Variants in LOXL4 observed in about 807,000 individuals in gnomAD.
LOXL4 encodes lysyl oxidase homolog 4.
LOXL4 carries 72 observed loss-of-function variants against 89.1 expected under a neutral mutation model. That is an observed-to-expected ratio of 0.81 (90% CI 0.67 to 0.98). LOXL4 has a LOEUF of 0.98. LOXL4 is among the 50% of genes least tolerant of loss of function. The probability of loss-of-function intolerance (pLI) is 0.00; values close to 1 mark genes in which losing one functional copy is unlikely to be tolerated. For synonymous variants in LOXL4, 355 were observed against 392.1 expected, an observed-to-expected ratio of 0.91 and a Z score of 1.12; for missense variants, 984 against 1,017.5, an observed-to-expected ratio of 0.97 and a Z score of 0.45.
At chr10:98,255,998 T>A in intron 9 of LOXL4, 1 of 400,498 alleles carries the variant, frequency 2.5e-6, no homozygotes, top group Non-Finnish European at 4.5e-6. Flanking sequence ...CACCCCTCTC[T>A]CTTCCAGATG....
chr10:98,261,024 C>T lies in LOXL4; in HGVS notation c.560G>A (p.Trp187Ter), dbSNP rs757726146. ...CCAGCCCTGGTCACACACCTGCCGC[C>T]AGTGGCCCTCATACTTCACCTCCAC... ...GAVEVKYEGH[W>*]RQVCDQGWTM... The change falls in exon 4 of 15, where the codon TGG (tryptophan) becomes TAG (stop). Residue 187 changes from tryptophan to a stop codon, truncating the protein, a stop_gained. Coordinates refer to ENST00000260702, the MANE Select transcript of LOXL4 (RefSeq NM_032211.7). LOFTEE classifies it high-confidence loss of function. The T allele has an allele frequency of 1.2e-6, 2 of 1,614,100 alleles. No homozygotes were observed. Among genetic ancestry groups the T allele is most frequent in the East Asian group, 4.5e-5 (2 of 44,884 alleles).
chr10:98,255,945 G>A, intron 9 of LOXL4: 1 of 527,968 alleles, frequency 1.9e-6, no homozygotes, highest in South Asian at 3.5e-5. Context: ...CACCACATAT[G>A]GAGGTAAAAA....
chr10:98,249,977 G>A (rs1858142253), intron 14 of LOXL4, among the ~76,000 whole-genome samples: 1 of 152,150 alleles, frequency 6.6e-6, no homozygotes, highest in Admixed American at 6.5e-5. Context: ...TTTGTCAATA[G>A]TTCCCAGAAG....
intron 14 of LOXL4, among the ~76,000 whole-genome samples, chr10:98,249,903 C>T (rs975298999): frequency 2.6e-5 from 4 of 152,190 alleles, no homozygotes; most frequent in African/African-American, 9.6e-5. Context: ...TTCTCATTTT[C>T]GTCCATCTGT....
intron 10 of LOXL4, among the ~76,000 whole-genome samples, chr10:98,254,867 G>C (rs1317618884): frequency 1.3e-5 from 2 of 152,228 alleles, no homozygotes; most frequent in African/African-American, 4.8e-5. Flanking sequence ...CCTGGACAGA[G>C]AGGAAGCCAG....
At position 98,263,035 on chromosome 10, in the gene LOXL4, A is replaced by G. The variant is rs1307548997; in HGVS notation, c.-16T>C. 1 of 1,609,716 alleles carries G rather than the reference A, an allele frequency of 6.2e-7. No individual in the cohort carries two copies. The highest frequency in any genetic ancestry group is 8.5e-7 in the Non-Finnish European group (1 of 1,176,968). ...ACCACGCCATGGTGACTTCAAGGAC[A>G]GCTGAGGCCAAGATACCTGAGGAAT... is the stretch of plus-strand genomic sequence containing the variant. On this transcript the variant is annotated 5_prime_UTR_variant, in exon 2 of 15. Transcript: ENST00000260702.
At chr10:98,265,356 T>C (rs1419791371) in intron 1 of LOXL4, among the ~76,000 whole-genome samples, 3 of 150,394 alleles carry the variant, frequency 2.0e-5, no homozygotes, top group Non-Finnish European at 4.4e-5. Flanking sequence ...AGAGCAAGCC[T>C]TCAGTAACAA....
intron 10 of LOXL4, among the ~76,000 whole-genome samples, chr10:98,254,031 A>C (rs1378394802): frequency 6.6e-6 from 1 of 152,232 alleles, no homozygotes; most frequent in African/African-American, 2.4e-5. Flanking sequence ...TTTTGGAGCC[A>C]GGCCACCTGG....
chr10:98,267,898 G>A (rs552414454), intron 1 of LOXL4, among the ~76,000 whole-genome samples: 8 of 152,294 alleles, frequency 5.3e-5, no homozygotes, highest in Admixed American at 3.9e-4. Flanking sequence ...AGGCCTGGGC[G>A]CACCACTCAG....
chr10:98,259,489 C>G, intron 4 of LOXL4, 60 bp from the exon 5 acceptor site: 2 of 1,446,334 alleles, frequency 1.4e-6, no homozygotes, highest in African/African-American at 1.4e-5. Flanking sequence ...CCCCCTGCCA[C>G]CTGGTTCCTC....
In LOXL4 at chr10:98,262,835, A is replaced by T. The variant is rs1373811858; in HGVS notation, c.185T>A (p.Phe62Tyr). 6.2e-7 allele frequency: 1 copy of T among 1,613,720 alleles called. No individual in the cohort carries two copies. The highest frequency in any genetic ancestry group is 8.5e-7 in the Non-Finnish European group (1 of 1,180,028). ...AGCCACTGTGGCCTCCTGGATAGCA[A>T]AGTTGTCATCACACACGGTGCCCCA... ...GQWGTVCDDN[F>Y]AIQEATVACR... The change falls in exon 2 of 15, where the codon TTT (phenylalanine) becomes TAT (tyrosine). Residue 62 changes from phenylalanine (F) to tyrosine (Y), a missense_variant. Phe to Tyr is a conservative substitution (Grantham distance 22). Transcript: ENST00000260702.
chr10:98,255,880 G>A (rs973517355), intron 9 of LOXL4, 141 bp from the exon 10 acceptor site: 8 of 913,784 alleles, frequency 8.8e-6, no homozygotes, highest in Admixed American at 2.7e-5. Context: ...ATGAGAACCC[G>A]AATTCCCTGG....
Position 98,251,169 on chromosome 10 carries a change from A to T in LOXL4, c.2096T>A (p.Val699Glu), listed in dbSNP as rs1165267343. The change falls in exon 14 of 15, where the codon GTG (valine) becomes GAG (glutamate). Residue 699 changes from valine (V) to glutamate (E), a missense_variant. Coordinates refer to ENST00000260702, the MANE Select transcript of LOXL4 (RefSeq NM_032211.7). ...CTCTGCCACTTCATAGTGGGGGTTC[A>T]CAATCACCTAGAGTGAAAGAGGGGA... ...GPGNYIFQVI[V>E]NPHYEVAESD... 1 of 1,612,322 alleles carries T rather than the reference A, an allele frequency of 6.2e-7. No individual in the cohort carries two copies. Among genetic ancestry groups the T allele is most frequent in the Admixed American group, 1.7e-5 (1 of 60,008 alleles).
chr10:98,262,035 C>A lies in LOXL4; in HGVS notation c.456G>T (p.Gln152His). 1 of 1,604,076 alleles carries A rather than the reference C, an allele frequency of 6.2e-7. No individual in the cohort carries two copies. The highest frequency in any genetic ancestry group is 8.5e-7 in the Non-Finnish European group (1 of 1,174,988). Residue 152 changes from glutamine (Q) to histidine (H), a missense_variant and splice_region_variant, in exon 3 of 15, where the codon CAG (glutamine) becomes CAT (histidine). Gln to His is a conservative substitution (Grantham distance 24). Transcript: ENST00000260702. ...SETVSNALGP[Q>H]GRRLEEVRLK... is the part of the protein sequence containing the mutation. Reference sequence around the variant, plus strand: ...ACCAGAGCCTGAACAGCCTCCTCACCTGGGGCCCAAGGGCATTGGAGACAG... The same window carrying A: ...ACCAGAGCCTGAACAGCCTCCTCACATGGGGCCCAAGGGCATTGGAGACAG...
intron 3 of LOXL4, 138 bp from the exon 4 acceptor site, chr10:98,261,265 G>A: frequency 1.2e-6 from 1 of 839,398 alleles, no homozygotes; most frequent in Non-Finnish European, 1.9e-6. Context: ...GAACAGGCCA[G>A]GAAACTGAGG....
Position 98,251,636 on chromosome 10 carries a change from G to A in LOXL4, c.2018C>T (p.Thr673Ile). Residue 673 changes from threonine to isoleucine, a missense_variant, in exon 13 of 15, where the codon ACC becomes ATC. Physicochemically the swap from Thr to Ile is moderately conservative, Grantham distance 89. Coordinates refer to ENST00000260702, the MANE Select transcript of LOXL4 (RefSeq NM_032211.7). The stretch of plus-strand genomic sequence containing the variant: ...CTGGCAATCAATGTCATGCCGGTAG[G>A]TGTCCCAGCAGCCTACAGTCACTCC... Reference protein sequence around the residue: ...EQGVTVGCWDTYRHDIDCQWV... With the variant: ...EQGVTVGCWDIYRHDIDCQWV... 1 of 1,614,242 alleles carries A rather than the reference G, an allele frequency of 6.2e-7. No individual in the cohort carries two copies. Among genetic ancestry groups the A allele is most frequent in the Non-Finnish European group, 8.5e-7 (1 of 1,180,038 alleles).
chr10:98,247,951 GT>G lies in LOXL4; in HGVS notation c.*969del, dbSNP rs1340847807. Reference sequence around the variant, plus strand: ...TTCTGTCTCTTGCTCTGCCAAACTTGTTTTCTTATCTCTGTAGAGATGAGTG... The same window carrying G: ...TTCTGTCTCTTGCTCTGCCAAACTTGTTTCTTATCTCTGTAGAGATGAGTG... On this transcript the variant is annotated 3_prime_UTR_variant, in exon 15 of 15. Transcript: ENST00000260702. The G allele has an allele frequency of 2.0e-5, 3 of 152,150 alleles. No homozygotes were observed. In the East Asian group the frequency reaches 5.8e-4, roughly 29 times the overall value. The allele number at this position is 152,150 out of a possible 1,614,324, so 9.4% of individuals were successfully genotyped here.
chr10:98,251,254 C>A (rs867647710), intron 13 of LOXL4, 78 bp from the exon 14 acceptor site: 2 of 1,094,100 alleles, frequency 1.8e-6, no homozygotes, highest in African/African-American at 1.5e-5. Flanking sequence ...ATAATCCTTA[C>A]ATGTGTTTCT....
At chr10:98,251,756 T>A in intron 12 of LOXL4, 54 bp from the exon 13 acceptor site, 1 of 1,597,020 alleles carries the variant, frequency 6.3e-7, no homozygotes, top group Non-Finnish European at 8.5e-7. Context: ...CTCTGCTAGG[T>A]CTTTTATTTC....
Sources: gnomAD v4.1 joint callset for allele counts (sites outside exome capture counted in the v4.1 genomes callset) on GRCh38, gnomAD v4.1.1 for gene constraint, MANE v1.5 for transcripts, NCBI Gene and HGNC (gene_info 2026-07-23, HGNC 2026-07-21) for gene names.